The following FBXW7 variants were observed in gnomAD, a reference collection of about 807,000 sequenced individuals.
FBXW7 encodes the protein F-box/WD repeat-containing protein 7.
Under a neutral mutation model 86.3 loss-of-function variants are expected in FBXW7, and 11 were observed. The observed-to-expected ratio is 0.13, with a 90% CI of 0.08 to 0.21. FBXW7 has a LOEUF of 0.21. FBXW7 is among the 10% of genes least tolerant of loss of function. The pLI, the probability that FBXW7 is intolerant of heterozygous loss-of-function variation, is 1.00. For missense variants in FBXW7, 488 were observed against 847.4 expected, an observed-to-expected ratio of 0.58 and a Z score of 5.27; for synonymous variants, 313 against 297.9, an observed-to-expected ratio of 1.05 and a Z score of -0.52.
intron 2 of FBXW7, among the ~76,000 whole-genome samples, chr4:152,439,692 G>C (rs573401697): frequency 3.0e-4 from 46 of 151,930 alleles, no homozygotes; most frequent in African/African-American, 1.1e-3. Flanking sequence ...GTGAAACCCC[G>C]TCTCTACTAA....
intron 4 of FBXW7, among the ~76,000 whole-genome samples, chr4:152,409,863 A>T (rs1737771727): frequency 6.6e-6 from 1 of 152,192 alleles, no homozygotes; most frequent in Non-Finnish European, 1.5e-5. Flanking sequence ...TGTACAGGAC[A>T]ATAATTGTTA....
intron 2 of FBXW7, among the ~76,000 whole-genome samples, chr4:152,437,835 C>A (rs1004278927): frequency 6.6e-6 from 1 of 152,140 alleles, no homozygotes; most frequent in African/African-American, 2.4e-5. Flanking sequence ...GTAAAATGAT[C>A]GTGACTCCCT....
chr4:152,438,475 C>T (rs1244453100), intron 2 of FBXW7, among the ~76,000 whole-genome samples: 4 of 151,968 alleles, frequency 2.6e-5, no homozygotes, highest in Non-Finnish European at 4.4e-5. Flanking sequence ...GTCAGGAGTT[C>T]GAGACCAACT....
intron 12 of FBXW7, 90 bp downstream of exon 12, chr4:152,325,916 A>T: frequency 9.5e-7 from 1 of 1,054,712 alleles, no homozygotes; most frequent in Non-Finnish European, 1.5e-6. Flanking sequence ...TTTGGACTGT[A>T]CTGGATCAGC....
chr4:152,509,048 A>G (rs569198203), intron 2 of FBXW7, among the ~76,000 whole-genome samples: 34 of 152,344 alleles, frequency 2.2e-4, no homozygotes, highest in African/African-American at 7.9e-4. Context: ...ATTACTGACC[A>G]GTACTCTTCC....
intron 2 of FBXW7, among the ~76,000 whole-genome samples, chr4:152,468,277 T>A (rs1398108644): frequency 6.6e-6 from 1 of 151,226 alleles, no homozygotes; most frequent in Non-Finnish European, 1.5e-5. Context: ...TCCCACCCCA[T>A]CCATATATAC....
intron 4 of FBXW7, among the ~76,000 whole-genome samples, chr4:152,390,665 A>T (rs750370050): frequency 6.6e-6 from 1 of 152,216 alleles, no homozygotes; most frequent in Non-Finnish European, 1.5e-5. Flanking sequence ...TTAAGTCCAT[A>T]AACAGTTTAA....
chr4:152,322,347 T>C lies in FBXW7; in HGVS notation c.*534A>G, dbSNP rs116857193. 3.5e-3 allele frequency: 809 copies of C among 232,424 alleles called. 19 individuals carry two copies. The highest frequency in any genetic ancestry group is 0.023 in the East Asian group (377 of 16,386). The allele number at this position is 232,424 out of a possible 1,614,324, so 14.4% of individuals were successfully genotyped here. On this transcript the variant is annotated 3_prime_UTR_variant, in exon 14 of 14. Coordinates refer to ENST00000281708, the MANE Select transcript of FBXW7 (RefSeq NM_001349798.2). ...GGCAAAAAAAAAAAAAAAAAAGCTT[T>C]TCATGATAACTGTACAAAAACAATT...
Position 152,535,196 on chromosome 4 carries a change from A to C in FBXW7, c.-282T>G. 3 of 162,126 alleles carry C rather than the reference A, an allele frequency of 1.9e-5. No individual in the cohort carries two copies. Among genetic ancestry groups the C allele is most frequent in the Non-Finnish European group, 2.7e-5 (2 of 74,908 alleles). 10.0% of individuals were successfully genotyped at this position (162,126 alleles called of 1,614,324 possible). ...CCCGTCCAGGGCCACTTCTCCCGGGACAGTCAGGTTTGGGAGACTCCGGAT... is the reference window on the plus strand; with the variant it reads ...CCCGTCCAGGGCCACTTCTCCCGGGCCAGTCAGGTTTGGGAGACTCCGGAT... On this transcript the variant is annotated 5_prime_UTR_variant, in exon 1 of 14. Coordinates refer to ENST00000281708, the MANE Select transcript of FBXW7 (RefSeq NM_001349798.2).
chr4:152,323,770 A>T (rs1728759659), intron 13 of FBXW7: 1 of 180,614 alleles, frequency 5.5e-6, no homozygotes, highest in Non-Finnish European at 1.2e-5. Context: ...GCACGTGACT[A>T]AGTGGAGGCC....
intron 5 of FBXW7, chr4:152,348,725 A>G (rs1331324794): frequency 7.7e-6 from 9 of 1,168,624 alleles, no homozygotes; most frequent in East Asian, 6.3e-5. Context: ...TTTAAAAAAT[A>G]GCATTAACAG....
At chr4:152,336,890 AT>A (rs1382273931) in intron 7 of FBXW7, among the ~76,000 whole-genome samples, 2 of 152,066 alleles carry the variant, frequency 1.3e-5, no homozygotes, top group Admixed American at 6.6e-5. Context: ...TCTTAAAAAA[AT>A]GACTTTTTTC....
chr4:152,344,542 T>G (rs2126623350), intron 6 of FBXW7, among the ~76,000 whole-genome samples: 1 of 152,238 alleles, frequency 6.6e-6, no homozygotes, highest in Admixed American at 6.5e-5. Context: ...AGTTTTTTTT[T>G]TTTTCACATT....
chr4:152,328,276 A>T lies in FBXW7; in HGVS notation c.1350T>A (p.Thr450=), dbSNP rs746848214. ...CATATAAGGTGTGTATACATTCTCC[A>T]GTCTCTGCATTCCACACTTTGAGTG... The part of the protein sequence containing the change: ...DRTLKVWNAE[T]GECIHTLYGH... Residue 450 remains threonine (T), a synonymous_variant, in exon 11 of 14, where the codon ACT becomes ACA. Coordinates refer to ENST00000281708, the MANE Select transcript of FBXW7 (RefSeq NM_001349798.2). The T allele has an allele frequency of 1.2e-6, 2 of 1,602,428 alleles. No homozygotes were observed. The highest frequency in any genetic ancestry group is 1.7e-6 in the Non-Finnish European group (2 of 1,175,288).
At chr4:152,379,695 C>T (rs1734879634) in intron 4 of FBXW7, among the ~76,000 whole-genome samples, 1 of 151,974 alleles carries the variant, frequency 6.6e-6, no homozygotes, top group Non-Finnish European at 1.5e-5. Context: ...AAAACATTTT[C>T]ATTTGAAGGT....
chr4:152,447,857 A>C (rs558931242), intron 2 of FBXW7, among the ~76,000 whole-genome samples: 1 of 152,336 alleles, frequency 6.6e-6, no homozygotes, highest in East Asian at 1.9e-4. Context: ...GAATGTGAGG[A>C]ATATTCCACT....
chr4:152,529,361 GGAA>G (rs1160254027), intron 2 of FBXW7, among the ~76,000 whole-genome samples: 2 of 151,674 alleles, frequency 1.3e-5, no homozygotes, highest in Non-Finnish European at 2.9e-5. Context: ...TTTTTTAAAA[GGAA>G]GAAGAAAAAT....
intron 6 of FBXW7, among the ~76,000 whole-genome samples, chr4:152,339,574 T>C (rs1386473234): frequency 2.6e-5 from 4 of 152,146 alleles, no homozygotes; most frequent in Non-Finnish European, 5.9e-5. Context: ...TCCATCTACA[T>C]CATAGACAAT....
In FBXW7 at chr4:152,535,852, T is replaced by C. The variant is rs1417413408; in HGVS notation, c.-938A>G. 5 of 382,712 alleles carry C rather than the reference T, an allele frequency of 1.3e-5. No individual in the cohort carries two copies. Among genetic ancestry groups the C allele is most frequent in the African/African-American group, 8.4e-5 (4 of 47,782 alleles). 23.7% of individuals were successfully genotyped at this position (382,712 alleles called of 1,614,324 possible). A position where few individuals can be genotyped will look rare whatever the true frequency, so the allele number is the denominator to read the frequency against. The stretch of plus-strand genomic sequence containing the variant: ...TCCGGCTCTGGCTCCGGCTCCGGCG[T>C]GTGCAGCCGCCGCTGCCGGCCGGGA... On this transcript the variant is annotated 5_prime_UTR_variant, in exon 1 of 14. Transcript: ENST00000281708.
Sources: gnomAD v4.1 joint callset for allele counts (sites outside exome capture counted in the v4.1 genomes callset) on GRCh38, gnomAD v4.1.1 for gene constraint, MANE v1.5 for transcripts, NCBI Gene and HGNC (gene_info 2026-07-23, HGNC 2026-07-21) for gene names.